Variants in STK33 observed in about 807,000 individuals in gnomAD.
STK33 encodes serine/threonine-protein kinase 33.
Under a neutral mutation model 58.0 loss-of-function variants are expected in STK33, and 52 were observed. That is an observed-to-expected ratio of 0.90 (90% CI 0.72 to 1.13). The LOEUF (loss-of-function observed/expected upper bound fraction) is 1.13, where lower values mean the gene tolerates loss of function less well. Among genes scored for constraint, STK33 ranks in the 50% most tolerant of loss-of-function variants. The pLI is 0.00. For missense variants in STK33, 630 were observed against 604.2 expected, an observed-to-expected ratio of 1.04 and a Z score of -0.45; for synonymous variants, 215 against 200.1, an observed-to-expected ratio of 1.07 and a Z score of -0.63.
chr11:8,550,631 CA>C (rs1349350844), intron 1 of STK33, among the ~76,000 whole-genome samples: 1 of 152,180 alleles, frequency 6.6e-6, no homozygotes, highest in Non-Finnish European at 1.5e-5. Context: ...ATCTCTAGGG[CA>C]GGTGAAAAAT....
the STK33 span, among the ~76,000 whole-genome samples, chr11:8,349,201 G>A: frequency 6.6e-6 from 1 of 152,222 alleles, no homozygotes; most frequent in Non-Finnish European, 1.5e-5. Context: ...TAAACTGGGG[G>A]CAGTAATAGC....
At chr11:8,578,577 C>A (rs1468817569) in intron 1 of STK33, among the ~76,000 whole-genome samples, 2 of 151,404 alleles carry the variant, frequency 1.3e-5, no homozygotes, top group Admixed American at 6.6e-5. Flanking sequence ...TATATGTATA[C>A]CACATATGTA....
the STK33 span, among the ~76,000 whole-genome samples, chr11:8,361,701 C>T: frequency 0.19 from 28,867 of 152,196 alleles, 2,817 homozygotes; most frequent in African/African-American, 0.24. This position sits in a 1 kb window ranked among gnomAD's most constrained non-coding sequence, Gnocchi z 4.8. Flanking sequence ...CAGCTGCTCA[C>T]CTTGGGCTCT....
chr11:8,452,745 G>T (rs1391153789), intron 11 of STK33, 77 bp downstream of exon 11: 4 of 1,299,520 alleles, frequency 3.1e-6, no homozygotes, highest in Non-Finnish European at 4.4e-6. Flanking sequence ...CCAAGATCAT[G>T]CCACTGCACT....
chr11:8,449,063 C>T (rs1483487691), intron 11 of STK33, among the ~76,000 whole-genome samples: 7 of 151,764 alleles, frequency 4.6e-5, no homozygotes, highest in South Asian at 2.1e-4. Flanking sequence ...CAGAGAAATG[C>T]AAATCAAAAC....
chr11:8,353,937 C>T, the STK33 span, among the ~76,000 whole-genome samples: 1 of 152,172 alleles, frequency 6.6e-6, no homozygotes, highest in Non-Finnish European at 1.5e-5. Flanking sequence ...TGTTGGCAGC[C>T]ATGGGCCACA....
At chr11:8,471,699 T>C (rs1225043008) in intron 6 of STK33, among the ~76,000 whole-genome samples, 1 of 152,174 alleles carries the variant, frequency 6.6e-6, no homozygotes, top group Non-Finnish European at 1.5e-5. Context: ...GTTACTTCTT[T>C]AAAATATGTA....
chr11:8,439,822 C>A (rs1040118847), intron 12 of STK33, among the ~76,000 whole-genome samples: 3 of 137,468 alleles, frequency 2.2e-5, no homozygotes, highest in Non-Finnish European at 3.1e-5. Flanking sequence ...TCTCCGTATA[C>A]AAATACATAT....
At chr11:8,520,382 A>C (rs931160197) in intron 1 of STK33, among the ~76,000 whole-genome samples, 1 of 152,212 alleles carries the variant, frequency 6.6e-6, no homozygotes, top group Non-Finnish European at 1.5e-5. Context: ...CCCACAGCCA[A>C]TATCATACTG....
chr11:8,457,348 G>A lies in STK33; in HGVS notation c.690C>T (p.His230=), dbSNP rs917247149. Residue 230 remains histidine, a synonymous_variant, in exon 9 of 16, where the codon CAC becomes CAT. Transcript: ENST00000687296. Reference sequence around the variant, plus strand: ...GGATAACCCTCTTCTTACCATTATTGTGAAGATATGCTATAGCTGATGCGA... The same window carrying A: ...GGATAACCCTCTTCTTACCATTATTATGAAGATATGCTATAGCTGATGCGA... The part of the protein sequence containing the change: ...QSLASAIAYL[H]NNDIVHRDLK... The A allele has an allele frequency of 8.2e-6, 13 of 1,577,340 alleles. No homozygotes were observed. Among genetic ancestry groups the A allele is most frequent in the East Asian group, 2.3e-5 (1 of 44,426 alleles).
At chr11:8,406,142 CAAAAAAA>C (rs59336494) in intron 15 of STK33, among the ~76,000 whole-genome samples, 45 of 94,692 alleles carry the variant, frequency 4.8e-4, no homozygotes, top group African/African-American at 1.3e-3. Flanking sequence ...GACTCCGTCT[CAAAAAAA>C]AAAAAAAAAA....
chr11:8,417,592 A>G (rs757648656), intron 14 of STK33, among the ~76,000 whole-genome samples: 2 of 152,202 alleles, frequency 1.3e-5, no homozygotes, highest in African/African-American at 4.8e-5. Context: ...CTGGATCTTT[A>G]GCATGCAGTC....
chr11:8,495,984 A>C (rs1431381364), intron 1 of STK33, among the ~76,000 whole-genome samples: 1 of 152,056 alleles, frequency 6.6e-6, no homozygotes, highest in Admixed American at 6.6e-5. Context: ...GCATTAGGAG[A>C]AATACCTAAT....
chr11:8,523,603 C>A (rs1258662438), intron 1 of STK33, among the ~76,000 whole-genome samples: 2 of 151,896 alleles, frequency 1.3e-5, no homozygotes, highest in African/African-American at 4.8e-5. Flanking sequence ...GCCCGGCAGC[C>A]TCCCCGTCTG....
the STK33 span, among the ~76,000 whole-genome samples, chr11:8,346,476 G>C: frequency 6.6e-6 from 1 of 152,204 alleles, no homozygotes; most frequent in African/African-American, 2.4e-5. Context: ...AAGAGGAACA[G>C]TCAGGGTGTC....
chr11:8,495,305 T>G (rs1350633711), intron 1 of STK33, among the ~76,000 whole-genome samples: 4 of 152,124 alleles, frequency 2.6e-5, no homozygotes, highest in Non-Finnish European at 5.9e-5. Context: ...CAGACACTTC[T>G]CAAAAGAAGA....
chr11:8,545,809 A>T (rs960705657), intron 1 of STK33, among the ~76,000 whole-genome samples: 7 of 152,334 alleles, frequency 4.6e-5, no homozygotes, highest in African/African-American at 1.7e-4. Flanking sequence ...ACACCTCCTA[A>T]TTTCAAAATA....
intron 15 of STK33, among the ~76,000 whole-genome samples, chr11:8,397,067 T>A (rs1224055539): frequency 6.6e-6 from 1 of 152,168 alleles, no homozygotes; most frequent in Non-Finnish European, 1.5e-5. Context: ...GGCAGCAGAA[T>A]CCTCTGCAGA....
chr11:8,566,022 T>C (rs906283006), intron 1 of STK33: 2 of 152,196 alleles, frequency 1.3e-5, no homozygotes, highest in African/African-American at 4.8e-5. Flanking sequence ...CCTAAAAGGC[T>C]TTATTTAACC....
Sources: gnomAD v4.1 joint callset for allele counts (sites outside exome capture counted in the v4.1 genomes callset) on GRCh38, gnomAD v4.1.1 for gene constraint, Gnocchi (gnomAD v3.1) non-coding constraint, MANE v1.5 for transcripts, NCBI Gene and HGNC (gene_info 2026-07-23, HGNC 2026-07-21) for gene names.